The following SORL1 variants were observed in gnomAD, a reference collection of about 807,000 sequenced individuals.
SORL1 encodes sortilin-related receptor.
A neutral mutation model predicts 273.7 loss-of-function variants in SORL1; 127 were observed. The ratio of observed to expected loss-of-function variants is 0.46; its 90% CI spans 0.40 to 0.54. The LOEUF (loss-of-function observed/expected upper bound fraction) is 0.54, where lower values mean the gene tolerates loss of function less well. Ranked by LOEUF, SORL1 falls within the 20% of genes least tolerant of loss-of-function variation. SORL1 has a pLI of 0.00. For synonymous variants in SORL1, 1,031 were observed against 1,067.4 expected, an observed-to-expected ratio of 0.97 and a Z score of 0.66; for missense variants, 2,494 against 2,846.1, an observed-to-expected ratio of 0.88 and a Z score of 2.81.
In SORL1 at chr11:121,563,179, C is replaced by A. The variant is rs1318282398; in HGVS notation, c.3049+3522C>A. On this transcript the variant is annotated intron_variant, in intron 21 of 47. Coordinates refer to ENST00000260197, the MANE Select transcript of SORL1 (RefSeq NM_003105.6). This position sits in a 1 kb window ranked among gnomAD's most constrained non-coding sequence, Gnocchi z 4.2. ...TAAGTGGTAAGAATTTGCACTGTGG[C>A]CCGTTGACTTCAAAGCCTGAACTTC... is the stretch of plus-strand genomic sequence containing the variant. Among the ~76,000 whole-genome samples, 2 of 152,188 alleles carry A rather than the reference C, an allele frequency of 1.3e-5. No individual in the cohort carries two copies. Among genetic ancestry groups the A allele is most frequent in the Non-Finnish European group, 2.9e-5 (2 of 68,040 alleles).
chr11:121,575,287 T>C (rs533946948), intron 24 of SORL1, among the ~76,000 whole-genome samples: 25 of 152,388 alleles, frequency 1.6e-4, no homozygotes, highest in African/African-American at 6.0e-4. Context: ...GAGACCCATC[T>C]TAGTTAACAG....
chr11:121,589,193 C>T, intron 28 of SORL1, 66 bp from the exon 29 acceptor site: 2 of 1,542,542 alleles, frequency 1.3e-6, no homozygotes, highest in Non-Finnish European at 1.8e-6. Flanking sequence ...CTTCTGGGCA[C>T]CACTGCTGCT....
At position 121,621,202 on chromosome 11, in the gene SORL1, A is replaced by G; in HGVS notation, c.6028A>G (p.Asn2010Asp). 6.2e-7 allele frequency: 1 copy of G among 1,614,134 alleles called. No homozygotes were observed. Among genetic ancestry groups the G allele is most frequent in the Non-Finnish European group, 8.5e-7 (1 of 1,179,996 alleles). ...ATACCACATCATTGTCCAACTGGGG[A>G]ACATGAGCAAAGATTCCAGCATAAA... ...GKYHIIVQLG[N>D]MSKDSSIKIT... Residue 2010 changes from asparagine to aspartate, a missense_variant, in exon 44 of 48, where the codon AAC (asparagine) becomes GAC (aspartate). Physicochemically the swap from Asn to Asp is conservative, Grantham distance 23. Transcript: ENST00000260197.
At chr11:121,575,297 G>A (rs1373337451) in intron 24 of SORL1, among the ~76,000 whole-genome samples, 1 of 152,200 alleles carries the variant, frequency 6.6e-6, no homozygotes, top group East Asian at 1.9e-4. Context: ...TTAGTTAACA[G>A]TCCCTGGTCC....
At chr11:121,592,884 A>G (rs1478543922) in intron 31 of SORL1, among the ~76,000 whole-genome samples, 1 of 152,260 alleles carries the variant, frequency 6.6e-6, no homozygotes, top group Non-Finnish European at 1.5e-5. Context: ...AATAGACTCT[A>G]GCAAATTCTG....
rs762135704 is a variant in SORL1, at chr11:121,605,576, G to C, written c.4948+5G>C. 1 of 1,608,920 alleles carries C rather than the reference G, an allele frequency of 6.2e-7. No homozygotes were observed. The highest frequency in any genetic ancestry group is 1.1e-5 in the South Asian group (1 of 90,842). On this transcript the variant is annotated splice_donor_5th_base_variant and intron_variant, in intron 35 of 47. Transcript: ENST00000260197. ...CCCTGAGGACCCCAGAGGGATGTAA[G>C]TGTTTCAGTTAATTTTTATGGCATG...
chr11:121,568,575 T>C (rs1862786307), intron 22 of SORL1, among the ~76,000 whole-genome samples: 1 of 152,198 alleles, frequency 6.6e-6, no homozygotes, highest in Non-Finnish European at 1.5e-5. Flanking sequence ...TCTCAGAGTA[T>C]TGAGAAAATC....
intron 5 of SORL1, among the ~76,000 whole-genome samples, chr11:121,494,693 A>G (rs1861602261): frequency 6.6e-6 from 1 of 152,198 alleles, no homozygotes; most frequent in South Asian, 2.1e-4. Context: ...AGGTCCAAAT[A>G]TGGATTACGG....
chr11:121,614,777 T>G, intron 40 of SORL1, 94 bp from the exon 41 acceptor site: 1 of 953,520 alleles, frequency 1.0e-6, no homozygotes, highest in South Asian at 1.4e-5. Flanking sequence ...GTCAAGAGAT[T>G]ACTATTTTTT....
intron 6 of SORL1, among the ~76,000 whole-genome samples, chr11:121,498,035 G>A (rs1030713250): frequency 4.6e-5 from 7 of 152,218 alleles, no homozygotes; most frequent in African/African-American, 1.7e-4. Context: ...GACAGAATGA[G>A]AAGAGAGATG....
intron 22 of SORL1, 32 bp downstream of exon 22, chr11:121,567,145 C>A (rs1479603785): frequency 1.3e-6 from 2 of 1,579,010 alleles, no homozygotes; most frequent in South Asian, 2.3e-5. Context: ...GCCTGTCATC[C>A]TCCTTCCTTT....
intron 11 of SORL1, among the ~76,000 whole-genome samples, chr11:121,528,208 C>T (rs1862150983): frequency 6.6e-6 from 1 of 152,158 alleles, no homozygotes; most frequent in African/African-American, 2.4e-5. Context: ...GTGGCTCATA[C>T]CTGTAATCCC....
chr11:121,552,907 G>A (rs1862525362), intron 16 of SORL1, among the ~76,000 whole-genome samples: 2 of 152,128 alleles, frequency 1.3e-5, no homozygotes, highest in Admixed American at 1.3e-4. Flanking sequence ...ACAGATGCTG[G>A]TGTGCTGCTT....
In SORL1 at chr11:121,550,597, T is replaced by C; in HGVS notation, c.2193T>C (p.Ile731=). Residue 731 remains isoleucine (I), a synonymous_variant, in exon 16 of 48, where the codon ATT becomes ATC. Coordinates refer to ENST00000260197, the MANE Select transcript of SORL1 (RefSeq NM_003105.6). The surrounding 1 kb of genome is among the most constrained non-coding windows in gnomAD (Gnocchi z 5.3). ...GGTGGGGTGACAGCTACCGGAAGAT[T>C]TCTGGGGACACTTGTAGCGGAGGAG... ...TYRRTRGYRK[I]SGDTCSGGDV... The C allele has an allele frequency of 6.2e-7, 1 of 1,614,114 alleles. No homozygotes were observed. The highest frequency in any genetic ancestry group is 8.5e-7 in the Non-Finnish European group (1 of 1,179,972).
intron 14 of SORL1, chr11:121,546,996 A>T (rs1273604017): frequency 1.3e-5 from 2 of 152,326 alleles, no homozygotes; most frequent in Admixed American, 1.3e-4. Flanking sequence ...AACAGAGAAG[A>T]CAGTCATTTC....
At chr11:121,497,125 T>A in intron 6 of SORL1, 76 bp downstream of exon 6, 1 of 1,228,474 alleles carries the variant, frequency 8.1e-7, no homozygotes, top group South Asian at 1.3e-5. Flanking sequence ...ATTAAACAGG[T>A]GAGTTTGCAT....
intron 42 of SORL1, 60 bp from the exon 43 acceptor site, chr11:121,619,687 TACTTTA>T: frequency 8.3e-7 from 1 of 1,203,368 alleles, no homozygotes; most frequent in Middle Eastern, 2.0e-4. Flanking sequence ...GTTGAAAAAA[TACTTTA>T]ATAAAGATTG....
chr11:121,495,151 A>T (rs656338), intron 5 of SORL1, among the ~76,000 whole-genome samples: 1 of 151,980 alleles, frequency 6.6e-6, no homozygotes, highest in Non-Finnish European at 1.5e-5. Flanking sequence ...TGGCACAATC[A>T]TGGCTCACCC....
chr11:121,626,956 G>C (rs143264443), intron 46 of SORL1: 1 of 153,476 alleles, frequency 6.5e-6, no homozygotes, highest in African/African-American at 2.4e-5. Flanking sequence ...ATGCCGAAAC[G>C]GCTTTGCAAA....
Sources: gnomAD v4.1 joint callset for allele counts (sites outside exome capture counted in the v4.1 genomes callset) on GRCh38, gnomAD v4.1.1 for gene constraint, Gnocchi (gnomAD v3.1) non-coding constraint, MANE v1.5 for transcripts, NCBI Gene and HGNC (gene_info 2026-07-23, HGNC 2026-07-21) for gene names.